The following XDH variants were observed in gnomAD, a reference collection of about 807,000 sequenced individuals.
The protein encoded by XDH is xanthine dehydrogenase/oxidase.
In XDH, 138 loss-of-function variants were observed where a neutral mutation model predicts 156.1. The observed-to-expected ratio is 0.88, with a 90% confidence interval of 0.77 to 1.02. The LOEUF is 1.02. XDH is among the 50% of genes least tolerant of loss of function. The pLI, the probability that XDH is intolerant of heterozygous loss-of-function variation, is 0.00. For synonymous variants in XDH, 669 were observed against 625.7 expected (o/e 1.07, Z -1.03); for missense variants, 1,849 against 1,684.9 (o/e 1.10, Z -1.71).
intron 18 of XDH, 151 bp from the exon 19 acceptor site, chr2:31,368,811 T>C (rs913435506): frequency 1.4e-6 from 2 of 1,442,902 alleles, no homozygotes; most frequent in Admixed American, 4.0e-5. Context: ...TTCCTTATCC[T>C]ACTGATTGAG....
chr2:31,388,680 C>A (rs1325639390), intron 6 of XDH, among the ~76,000 whole-genome samples: 2 of 152,210 alleles, frequency 1.3e-5, no homozygotes, highest in Admixed American at 1.3e-4. Flanking sequence ...AGAGGCTTGA[C>A]TTCCAGATCA....
At chr2:31,403,246 C>T in intron 2 of XDH, 102 bp from the exon 3 acceptor site, 2 of 1,297,416 alleles carry the variant, frequency 1.5e-6, no homozygotes, top group Middle Eastern at 2.2e-4. Flanking sequence ...TTCATTCCCA[C>T]ACGTGCTCAG....
At chr2:31,380,840 T>C (rs1175626291) in intron 12 of XDH, among the ~76,000 whole-genome samples, 3 of 152,172 alleles carry the variant, frequency 2.0e-5, no homozygotes, top group Non-Finnish European at 2.9e-5. Context: ...GAGCACATAA[T>C]TGTAGAGCAT....
chr2:31,348,025 G>A (rs529329133), intron 28 of XDH, among the ~76,000 whole-genome samples: 36 of 152,204 alleles, frequency 2.4e-4, no homozygotes, highest in Non-Finnish European at 3.8e-4. Context: ...GAGCATGCCC[G>A]CCTCACACAC....
chr2:31,350,288 G>A (rs1685432995), intron 24 of XDH, 65 bp from the exon 25 acceptor site: 1 of 1,550,062 alleles, frequency 6.5e-7, no homozygotes, highest in Non-Finnish European at 8.9e-7. Flanking sequence ...CTCAAAGTAG[G>A]AACTTTGAGG....
intron 24 of XDH, among the ~76,000 whole-genome samples, chr2:31,362,439 A>G (rs1685801971): frequency 6.6e-6 from 1 of 152,238 alleles, no homozygotes. Flanking sequence ...AAAGCCTATT[A>G]AAGTTCTTAC....
intron 24 of XDH, among the ~76,000 whole-genome samples, chr2:31,353,010 C>T (rs1355578287): frequency 2.0e-5 from 3 of 150,570 alleles, no homozygotes; most frequent in Non-Finnish European, 3.0e-5. Context: ...CATGAGCCAC[C>T]GCACCCAGCC....
At chr2:31,374,228 T>G (rs1303676064) in intron 15 of XDH, among the ~76,000 whole-genome samples, 1 of 152,200 alleles carries the variant, frequency 6.6e-6, no homozygotes, top group Non-Finnish European at 1.5e-5. Flanking sequence ...CTTTCCCTCC[T>G]TCTTGCATTT....
At chr2:31,398,778 A>C (rs2148004252) in intron 4 of XDH, 79 bp from the exon 5 acceptor site, 1 of 1,599,048 alleles carries the variant, frequency 6.3e-7, no homozygotes, top group South Asian at 1.1e-5. Flanking sequence ...TGGAGCCAGC[A>C]CATGTTGAGA....
chr2:31,370,508 G>A lies in XDH; in HGVS notation c.1857-30C>T, dbSNP rs530821150. The A allele has an allele frequency of 3.2e-5, 51 of 1,613,636 alleles. No homozygotes were observed. The Middle Eastern group carries it at 1.3e-3, about 42-fold the overall frequency. On this transcript the variant is annotated intron_variant, in intron 17 of 35. Transcript: ENST00000379416. ...AAGAATGAGTGGTGTGAGGGGCCAG[G>A]TCAGCAAGCTGGAGCAGGGGACCCA... is the stretch of plus-strand genomic sequence containing the variant.
rs1211117863 is a variant in XDH, at chr2:31,381,686, T to G, written c.1079A>C (p.Asp360Ala). 1 of 1,613,908 alleles carries G rather than the reference T, an allele frequency of 6.2e-7. No homozygotes were observed. Among genetic ancestry groups the G allele is most frequent in the Non-Finnish European group, 8.5e-7 (1 of 1,179,980 alleles). ...ACTGGCCATGAACACGGGGTTGAGG[T>G]CGGAGATGGGGCTGGCAGTGATGAT... is the stretch of plus-strand genomic sequence containing the variant. ...GNIITASPISDLNPVFMASGA... is the reference protein window; with the variant it reads ...GNIITASPISALNPVFMASGA... Residue 360 changes from aspartate (D) to alanine (A), a missense_variant, in exon 12 of 36, where the codon GAC (aspartate) becomes GCC (alanine). By Grantham distance (126) the Asp-to-Ala change is moderately radical. Transcript: ENST00000379416.
At position 31,379,899 on chromosome 2, in the gene XDH, G is replaced by T. The variant is rs372033714; in HGVS notation, c.1210C>A (p.Leu404Met). The T allele has an allele frequency of 3.5e-5, 57 of 1,614,218 alleles. No individual in the cohort carries two copies. In the African/African-American group the frequency reaches 5.3e-4, roughly 15 times the overall value. ...CTGTAGGGGATCTCTATGGAGAGCA[G>T]TATCTCCTCCGGGCTCAGCAGGGTC... ...RKTLLSPEEILLSIEIPYSRE... is the reference protein window; with the variant it reads ...RKTLLSPEEIMLSIEIPYSRE... Residue 404 changes from leucine (L) to methionine (M), a missense_variant, in exon 13 of 36, where the codon CTG (leucine) becomes ATG (methionine). Leu to Met is a conservative substitution (Grantham distance 15). Coordinates refer to ENST00000379416, the MANE Select transcript of XDH (RefSeq NM_000379.4).
intron 3 of XDH, among the ~76,000 whole-genome samples, chr2:31,402,113 T>G (rs949706714): frequency 1.3e-4 from 20 of 151,348 alleles, no homozygotes; most frequent in Non-Finnish European, 1.6e-4. Flanking sequence ...CTGTGCTTGA[T>G]TTGCAGCAGA....
chr2:31,408,275 T>C (rs1687245994), intron 1 of XDH, among the ~76,000 whole-genome samples: 1 of 152,202 alleles, frequency 6.6e-6, no homozygotes, highest in South Asian at 2.1e-4. Context: ...ATCAGAAGAC[T>C]TCAAACAATT....
chr2:31,382,505 T>C (rs1037260635), intron 11 of XDH, among the ~76,000 whole-genome samples: 5 of 152,200 alleles, frequency 3.3e-5, no homozygotes, highest in Non-Finnish European at 2.9e-5. Context: ...ACTGGGAATG[T>C]GGGGACTTGT....
chr2:31,357,906 C>A (rs2148761906), intron 24 of XDH, among the ~76,000 whole-genome samples: 1 of 151,946 alleles, frequency 6.6e-6, no homozygotes, highest in East Asian at 1.9e-4. Flanking sequence ...TACAAAACTA[C>A]CACTTCAGTA....
chr2:31,412,083 T>C (rs955391416), intron 1 of XDH, among the ~76,000 whole-genome samples: 2 of 152,212 alleles, frequency 1.3e-5, no homozygotes, highest in Non-Finnish European at 2.9e-5. Flanking sequence ...TCCTCCCAGA[T>C]TCTTCCAGGT....
Position 31,342,184 on chromosome 2 carries a change from T to A in XDH, c.3518A>T (p.Lys1173Met). Reference sequence around the variant, plus strand: ...ACTAAAGTTTTGCAAACTTCTTACCTTATGATCTCCTGTTAGGCAGTCGAT... The same window carrying A: ...ACTAAAGTTTTGCAAACTTCTTACCATATGATCTCCTGTTAGGCAGTCGAT... Reference protein sequence around the residue: ...VEIDCLTGDHKNLRTDIVMDV... With the variant: ...VEIDCLTGDHMNLRTDIVMDV... The change falls in exon 32 of 36, where the codon AAG becomes ATG. Residue 1173 changes from lysine to methionine, a missense_variant and splice_region_variant. Coordinates refer to ENST00000379416, the MANE Select transcript of XDH (RefSeq NM_000379.4). The A allele has an allele frequency of 6.2e-7, 1 of 1,613,900 alleles. No individual in the cohort carries two copies. Among genetic ancestry groups the A allele is most frequent in the Non-Finnish European group, 8.5e-7 (1 of 1,179,820 alleles).
chr2:31,372,972 G>A (rs1686118820), intron 16 of XDH, among the ~76,000 whole-genome samples: 1 of 151,746 alleles, frequency 6.6e-6, no homozygotes, highest in Admixed American at 6.6e-5. Flanking sequence ...TTAAATTATT[G>A]ATCTCATAAT....
Sources: allele counts gnomAD v4.1 joint callset (sites outside exome capture counted in the v4.1 genomes callset), GRCh38; gene constraint gnomAD v4.1.1; transcripts MANE v1.5; gene names NCBI Gene and HGNC (gene_info 2026-07-23, HGNC 2026-07-21).